RBMS3: variants seen among roughly 807,000 people sequenced by gnomAD.
RBMS3 encodes the protein RNA-binding motif, single-stranded-interacting protein 3.
Under a neutral mutation model 66.8 loss-of-function variants are expected in RBMS3, and 27 were observed. The observed-to-expected ratio is 0.40, with a 90% CI of 0.30 to 0.56. The LOEUF (loss-of-function observed/expected upper bound fraction) is 0.56, where lower values mean the gene tolerates loss of function less well. RBMS3 is among the 20% of genes least tolerant of loss of function. The pLI is 0.40. For missense variants in RBMS3, 513 were observed against 549.5 expected, an observed-to-expected ratio of 0.93 and a Z score of 0.66; for synonymous variants, 188 against 183.0, an observed-to-expected ratio of 1.03 and a Z score of -0.22.
Position 29,988,212 on chromosome 3 carries a change from G to A in RBMS3, c.1168G>A (p.Val390Ile). ...GTACACGCCTGTGCCTCCGACAGCT[G>A]TTTCTATTGAAGTAAGTCTACCCCT... ...PQYTPVPPTA[V>I]SIEGVVADTS... is the part of the protein sequence containing the mutation. The change falls in exon 13 of 15, where the codon GTT (valine) becomes ATT (isoleucine). Residue 390 changes from valine (V) to isoleucine (I), a missense_variant. Val to Ile is a conservative substitution (Grantham distance 29). Transcript: ENST00000383767. 6.2e-7 allele frequency: 1 copy of A among 1,609,654 alleles called. No homozygotes were observed. Among genetic ancestry groups the A allele is most frequent in the South Asian group, 1.1e-5 (1 of 91,002 alleles).
chr3:29,842,668 T>C (rs945975514), intron 6 of RBMS3, among the ~76,000 whole-genome samples: 5 of 152,198 alleles, frequency 3.3e-5, no homozygotes, highest in African/African-American at 1.2e-4. Flanking sequence ...TTAGGAGGTG[T>C]GATTAAGTTA....
At chr3:29,295,318 T>C (rs1226447224) in intron 1 of RBMS3, among the ~76,000 whole-genome samples, 1 of 139,460 alleles carries the variant, frequency 7.2e-6, no homozygotes, top group African/African-American at 2.6e-5. Context: ...TATATATACA[T>C]ATATATATAC....
intron 8 of RBMS3, among the ~76,000 whole-genome samples, chr3:29,888,963 C>A (rs928089819): frequency 6.6e-6 from 1 of 151,654 alleles, no homozygotes; most frequent in Non-Finnish European, 1.5e-5. Context: ...CCTCCCCCCA[C>A]GAACAATTTT....
intron 1 of RBMS3, among the ~76,000 whole-genome samples, chr3:29,386,540 A>G (rs2039016523): frequency 6.6e-6 from 1 of 152,188 alleles, no homozygotes; most frequent in Non-Finnish European, 1.5e-5. Context: ...CATCTCTTCT[A>G]CTTGTGCACT....
intron 6 of RBMS3, among the ~76,000 whole-genome samples, chr3:29,813,822 A>G (rs1286409398): frequency 6.6e-6 from 1 of 152,140 alleles, no homozygotes; most frequent in Non-Finnish European, 1.5e-5. Context: ...ATTTTTGTAC[A>G]TTGATTTTGT....
intron 14 of RBMS3, chr3:29,991,498 A>T: frequency 3.1e-6 from 1 of 324,390 alleles, no homozygotes; most frequent in Non-Finnish European, 5.7e-6. Context: ...ACTAGGCCAT[A>T]TGTTTCTGAT....
intron 1 of RBMS3, among the ~76,000 whole-genome samples, chr3:29,301,666 CT>C (rs1247978760): frequency 6.6e-6 from 1 of 151,884 alleles, no homozygotes. Context: ...TTTGTGTTTG[CT>C]TTTTTGAATG....
chr3:29,932,626 TA>T (rs1430260553), intron 10 of RBMS3, among the ~76,000 whole-genome samples: 1 of 152,212 alleles, frequency 6.6e-6, no homozygotes, highest in African/African-American at 2.4e-5. Flanking sequence ...ATATAGGTGC[TA>T]AAACAGCTAT....
intron 3 of RBMS3, among the ~76,000 whole-genome samples, chr3:29,504,083 G>C (rs573946803): frequency 1.3e-5 from 2 of 152,132 alleles, no homozygotes; most frequent in African/African-American, 4.8e-5. Flanking sequence ...ACACAGAGAG[G>C]CTATGACCTT....
intron 4 of RBMS3, among the ~76,000 whole-genome samples, chr3:29,699,124 C>G (rs1440516): frequency 6.6e-6 from 1 of 151,998 alleles, no homozygotes; most frequent in Non-Finnish European, 1.5e-5. Context: ...CAATAAGTAC[C>G]TTCTTGAAAG....
At chr3:29,482,561 T>A (rs1384133894) in intron 2 of RBMS3, among the ~76,000 whole-genome samples, 1 of 152,096 alleles carries the variant, frequency 6.6e-6, no homozygotes, top group Non-Finnish European at 1.5e-5. Flanking sequence ...TCTTTGGACT[T>A]TGTTTCTAGA....
intron 1 of RBMS3, among the ~76,000 whole-genome samples, chr3:29,324,752 TCTC>T (rs1318698234): frequency 6.6e-6 from 1 of 151,672 alleles, no homozygotes; most frequent in Admixed American, 6.6e-5. Flanking sequence ...TCTTTCCTTC[TCTC>T]CTTTTTCTTT....
At chr3:29,532,895 T>TA (rs942064229) in intron 3 of RBMS3, among the ~76,000 whole-genome samples, 13 of 152,178 alleles carry the variant, frequency 8.5e-5, no homozygotes, top group African/African-American at 2.9e-4. Context: ...GCATGGCTCC[T>TA]AAAATGTCTT....
intron 9 of RBMS3, among the ~76,000 whole-genome samples, chr3:29,899,353 C>T (rs2060199119): frequency 6.6e-6 from 1 of 151,618 alleles, no homozygotes; most frequent in South Asian, 2.1e-4. Context: ...CTCTTGCTTC[C>T]TTCATTACTT....
rs1379378867 is a variant in RBMS3 at position 30,009,538 on chromosome 3, CAAAA to C, written c.*5677_*5680del. 1 of 152,094 alleles carries C rather than the reference CAAAA, an allele frequency of 6.6e-6. No individual in the cohort carries two copies. Among genetic ancestry groups the C allele is most frequent in the Non-Finnish European group, 1.5e-5 (1 of 67,974 alleles). The allele number at this position is 152,094 out of a possible 1,614,324, so 9.4% of individuals were successfully genotyped here. A position where few individuals can be genotyped will look rare whatever the true frequency, so the allele number is the denominator to read the frequency against. ...TCATAGCAAAGAATTCAGCTTCCCT[CAAAA>C]GAAAGCTATTTTTGTTTCCTTCACT... On this transcript the variant is annotated 3_prime_UTR_variant, in exon 15 of 15. Transcript: ENST00000383767.
chr3:29,381,391 A>G (rs923288440), intron 1 of RBMS3, among the ~76,000 whole-genome samples: 2 of 152,132 alleles, frequency 1.3e-5, no homozygotes, highest in African/African-American at 4.8e-5. Context: ...TTTTTTCTCT[A>G]CTAAGGTAAT....
chr3:29,712,190 G>A (rs1049215363), intron 4 of RBMS3, among the ~76,000 whole-genome samples: 6 of 152,108 alleles, frequency 3.9e-5, no homozygotes, highest in Admixed American at 3.3e-4. Flanking sequence ...GATGATTTTA[G>A]ATCTCACCTT....
At chr3:29,499,002 G>C (rs1001731700) in intron 3 of RBMS3, among the ~76,000 whole-genome samples, 1 of 152,100 alleles carries the variant, frequency 6.6e-6, no homozygotes, top group African/African-American at 2.4e-5. Flanking sequence ...AGATTTTTTA[G>C]GGCCTATAAA....
chr3:29,453,238 C>T (rs998548917), intron 2 of RBMS3, among the ~76,000 whole-genome samples: 7 of 152,152 alleles, frequency 4.6e-5, no homozygotes, highest in African/African-American at 1.4e-4. Context: ...CAGCCATTTT[C>T]TCTGGAATGC....
Sources: gnomAD v4.1 joint callset for allele counts (sites outside exome capture counted in the v4.1 genomes callset) on GRCh38, gnomAD v4.1.1 for gene constraint, MANE v1.5 for transcripts, NCBI Gene and HGNC (gene_info 2026-07-23, HGNC 2026-07-21) for gene names.